Variants in DNAH12 observed in about 807,000 individuals in gnomAD.
DNAH12 encodes dynein axonemal heavy chain 12, also known as axonemal beta dynein heavy chain 12.
DNAH12 carries 285 observed loss-of-function variants against 371.5 expected under a neutral mutation model. That is an observed-to-expected ratio of 0.77 (90% CI 0.70 to 0.85). The LOEUF (loss-of-function observed/expected upper bound fraction) is 0.85, where lower values mean the gene tolerates loss of function less well. Among genes scored for constraint, DNAH12 ranks in the 40% least tolerant of loss-of-function variants. The probability of loss-of-function intolerance (pLI) is 0.00; values close to 1 mark genes in which losing one functional copy is unlikely to be tolerated. For synonymous variants in DNAH12, 1,200 were observed against 1,213.0 expected (o/e 0.99, Z 0.22); for missense variants, 3,611 against 3,689.4 (o/e 0.98, Z 0.55).
intron 11 of DNAH12, 61 bp from the exon 12 acceptor site, chr3:57,489,748 A>G: frequency 2.9e-6 from 4 of 1,400,932 alleles, no homozygotes; most frequent in Admixed American, 3.4e-5. Flanking sequence ...ATTTTATAAT[A>G]TTGTATTGTT....
intron 32 of DNAH12, among the ~76,000 whole-genome samples, chr3:57,431,635 C>T (rs1332332406): frequency 6.6e-6 from 1 of 152,170 alleles, no homozygotes; most frequent in Non-Finnish European, 1.5e-5. Flanking sequence ...ATGTCAATAA[C>T]TTTGAAGTCT....
At chr3:57,421,902 C>CTTTTTTTT (rs368757579) in intron 35 of DNAH12, among the ~76,000 whole-genome samples, 196 bp from the exon 36 acceptor site, 3,426 of 98,356 alleles carry the variant, frequency 0.035, 765 homozygotes, top group African/African-American at 0.16. Context: ...GTTTGCATGT[C>CTTTTTTTT]TTTTTTTTTT....
Position 57,415,475 on chromosome 3 carries a change from A to G in DNAH12, c.5804T>C (p.Phe1935Ser), listed in dbSNP as rs1448653317. ...TGCAGATAAGTTAATATAAAAAGGA[A>G]AGTACTGGTCCTTTTCCAAGTGATT... Reference protein sequence around the residue: ...LMNHLEKDQYFPFYINLSART... With the variant: ...LMNHLEKDQYSPFYINLSART... The change falls in exon 38 of 74, where the codon TTT becomes TCT. Residue 1935 changes from phenylalanine (F) to serine (S), a missense_variant. By Grantham distance (155) the Phe-to-Ser change is radical. Coordinates refer to ENST00000495027, the MANE Select transcript of DNAH12 (RefSeq NM_001366028.2). 2.6e-6 allele frequency: 4 copies of G among 1,551,184 alleles called. No individual in the cohort carries two copies. The highest frequency in any genetic ancestry group is 3.5e-6 in the Non-Finnish European group (4 of 1,146,910).
At chr3:57,383,855 G>C (rs1033562036) in intron 49 of DNAH12, among the ~76,000 whole-genome samples, 46 of 151,960 alleles carry the variant, frequency 3.0e-4, no homozygotes, top group African/African-American at 1.1e-3. Flanking sequence ...CTGATTCACA[G>C]CACTAGGAAA....
rs575913094 is a variant in DNAH12 at position 57,304,304 on chromosome 3, G to A, written c.11190-2365C>T. On this transcript the variant is annotated intron_variant, in intron 69 of 73. Coordinates refer to ENST00000495027, the MANE Select transcript of DNAH12 (RefSeq NM_001366028.2). ...TCGGATCGGGGGACCTCCCTTGGGA[G>A]ATCACTCCCCTGTCCTCCTGCTCTT... 1.1e-4 allele frequency among the ~76,000 whole-genome samples: 17 copies of A among 152,310 alleles called. No homozygotes were observed. In the East Asian group the frequency reaches 2.7e-3, roughly 24 times the overall value.
intron 28 of DNAH12, among the ~76,000 whole-genome samples, 171 bp downstream of exon 28, chr3:57,445,003 T>C (rs2065436957): frequency 6.6e-6 from 1 of 151,634 alleles, no homozygotes; most frequent in Admixed American, 6.6e-5. Flanking sequence ...CTAAAAAGTC[T>C]TTGTATTCAT....
intron 11 of DNAH12, among the ~76,000 whole-genome samples, chr3:57,492,392 G>A (rs957558673): frequency 6.6e-5 from 10 of 151,468 alleles, no homozygotes; most frequent in Admixed American, 1.3e-4. Context: ...CCCAGGAAGC[G>A]GAGGTTGTGG....
chr3:57,430,664 T>C (rs1575591270), intron 32 of DNAH12, among the ~76,000 whole-genome samples: 1 of 152,076 alleles, frequency 6.6e-6, no homozygotes, highest in Non-Finnish European at 1.5e-5. Context: ...CTTTTAATAG[T>C]ATTATTATTA....
At chr3:57,472,791 A>AT in intron 13 of DNAH12, 120 bp from the exon 14 acceptor site, 1 of 1,076,286 alleles carries the variant, frequency 9.3e-7, no homozygotes. Flanking sequence ...CAGATTATTA[A>AT]CTGATATTTT....
At chr3:57,509,887 A>AG (rs1559736041) in intron 5 of DNAH12, among the ~76,000 whole-genome samples, 1 of 144,314 alleles carries the variant, frequency 6.9e-6, no homozygotes, top group East Asian at 2.0e-4. Context: ...AAAAAAAAAA[A>AG]AAAGAAAGCA....
chr3:57,314,736 C>G, intron 65 of DNAH12, 105 bp from the exon 66 acceptor site: 1 of 1,196,524 alleles, frequency 8.4e-7, no homozygotes, highest in Non-Finnish European at 1.1e-6. Context: ...TCTGTGATCA[C>G]GTATCTCTAC....
At chr3:57,404,581 A>T (rs1221441086) in intron 42 of DNAH12, among the ~76,000 whole-genome samples, 3 of 152,046 alleles carry the variant, frequency 2.0e-5, no homozygotes, top group Non-Finnish European at 4.4e-5. Context: ...TTAGCCAGGC[A>T]TGCCGGCGCA....
intron 65 of DNAH12, among the ~76,000 whole-genome samples, chr3:57,316,130 C>CT (rs1447087261): frequency 1.5e-5 from 2 of 129,928 alleles, no homozygotes; most frequent in African/African-American, 6.5e-5. Flanking sequence ...ATAACCCCTT[C>CT]CCCTTTTTTT....
intron 29 of DNAH12, 90 bp from the exon 30 acceptor site, chr3:57,437,150 A>T (rs923808542): frequency 7.2e-6 from 4 of 554,284 alleles, no homozygotes; most frequent in African/African-American, 2.5e-5. Context: ...TTTACTAGTT[A>T]AAAAAAAACT....
chr3:57,419,596 T>C, intron 36 of DNAH12, 78 bp from the exon 37 acceptor site: 1 of 1,073,734 alleles, frequency 9.3e-7, no homozygotes, highest in Non-Finnish European at 1.2e-6. Context: ...ACATGTATAC[T>C]ATTATATTAG....
At chr3:57,541,190 C>T (rs966986175) in intron 2 of DNAH12, among the ~76,000 whole-genome samples, 1 of 151,816 alleles carries the variant, frequency 6.6e-6, no homozygotes, top group African/African-American at 2.4e-5. Flanking sequence ...CAGGCACCTG[C>T]CACCACGCCA....
chr3:57,394,332 C>T lies in DNAH12; in HGVS notation c.6949G>A (p.Gly2317Ser), dbSNP rs919633814. 3 of 152,138 alleles carry T rather than the reference C, an allele frequency of 2.0e-5. No individual in the cohort carries two copies. The highest frequency in any genetic ancestry group is 4.4e-5 in the Non-Finnish European group (3 of 68,042). The allele number at this position is 152,138 out of a possible 1,614,324, so 9.4% of individuals were successfully genotyped here. A position where few individuals can be genotyped will look rare whatever the true frequency, so the allele number is the denominator to read the frequency against. Residue 2317 changes from glycine to serine, a missense_variant and splice_region_variant, in exon 44 of 74, where the codon GGT becomes AGT. This residue lies in a region of DNAH12 where 2,266 missense variants were observed against 2,236.9 expected (regional missense o/e 1.01). Transcript: ENST00000495027. ...TTCATGCCCACATTCCTTAACAGAC[C>T]CTTAAAATAAAAATGGACTTGTAAG... Reference protein sequence around the residue: ...GMNEWREDMKGLLRNVGMKGQ... With the variant: ...GMNEWREDMKSLLRNVGMKGQ...
intron 16 of DNAH12, among the ~76,000 whole-genome samples, chr3:57,470,219 C>G (rs2066327376): frequency 6.6e-6 from 1 of 151,896 alleles, no homozygotes; most frequent in Non-Finnish European, 1.5e-5. Flanking sequence ...GCATGAAAAT[C>G]CAATCATTAT....
intron 2 of DNAH12, chr3:57,536,368 C>T (rs2069047176): frequency 6.6e-6 from 1 of 152,174 alleles, no homozygotes; most frequent in South Asian, 2.1e-4. Context: ...CTCAAAGTCC[C>T]TCTTAAAGTG....
Sources: allele counts gnomAD v4.1 joint callset (sites outside exome capture counted in the v4.1 genomes callset), GRCh38; gene constraint gnomAD v4.1.1; regional missense constraint gnomAD v4.1.1; transcripts MANE v1.5; gene names NCBI Gene and HGNC (gene_info 2026-07-23, HGNC 2026-07-21).